Variants in NELL1 observed in about 807,000 individuals in gnomAD.
NELL1 encodes protein kinase C-binding protein NELL1.
Under a neutral mutation model 107.4 loss-of-function variants are expected in NELL1, and 76 were observed. The observed-to-expected ratio is 0.71, with a 90% CI of 0.59 to 0.86. The LOEUF is 0.86. Ranked by LOEUF, NELL1 falls within the 40% of genes least tolerant of loss-of-function variation. NELL1 has a pLI of 0.00. For missense variants in NELL1, 1,024 were observed against 1,005.5 expected (o/e 1.02, Z -0.25); for synonymous variants, 353 against 341.2 (o/e 1.03, Z -0.38).
intron 12 of NELL1, among the ~76,000 whole-genome samples, chr11:21,008,576 T>C (rs55668164): frequency 0.057 from 8,739 of 152,002 alleles, 861 homozygotes; most frequent in African/African-American, 0.2. Context: ...GGGTAAGTAA[T>C]GAAAAATGTG....
At chr11:21,308,465 G>A (rs186167339) in intron 14 of NELL1, among the ~76,000 whole-genome samples, 3 of 152,112 alleles carry the variant, frequency 2.0e-5, no homozygotes, top group African/African-American at 2.4e-5. Flanking sequence ...ATATGTTTAA[G>A]GAGTATATAG....
At chr11:21,388,079 G>GTT (rs34490004) in intron 15 of NELL1, among the ~76,000 whole-genome samples, 2 of 147,426 alleles carry the variant, frequency 1.4e-5, no homozygotes, top group African/African-American at 2.5e-5. Context: ...AAAATTCTAT[G>GTT]TTTTTTTTTT....
chr11:20,958,394 C>T (rs774670520), intron 11 of NELL1, among the ~76,000 whole-genome samples: 27 of 152,240 alleles, frequency 1.8e-4, no homozygotes, highest in Middle Eastern at 6.8e-3. Flanking sequence ...ACCTGGGCAA[C>T]AGAGTGAGAC....
At chr11:21,273,166 A>G (rs1366917594) in intron 14 of NELL1, among the ~76,000 whole-genome samples, 1 of 152,150 alleles carries the variant, frequency 6.6e-6, no homozygotes, top group East Asian at 1.9e-4. Context: ...AAAAAATTAG[A>G]CGAATGGCTA....
intron 2 of NELL1, among the ~76,000 whole-genome samples, chr11:20,715,197 A>T (rs529239750): frequency 6.6e-6 from 1 of 152,062 alleles, no homozygotes; most frequent in Non-Finnish European, 1.5e-5. Flanking sequence ...GTGAGTTGAC[A>T]TCGCGCCATT....
intron 14 of NELL1, among the ~76,000 whole-genome samples, chr11:21,230,103 C>G (rs568420472): frequency 1.3e-5 from 2 of 152,268 alleles, no homozygotes; most frequent in African/African-American, 4.8e-5. Context: ...TGTCTCTACT[C>G]AAATGTCTCC....
intron 14 of NELL1, among the ~76,000 whole-genome samples, chr11:21,274,314 A>G (rs1848806659): frequency 6.6e-6 from 1 of 152,212 alleles, no homozygotes; most frequent in Non-Finnish European, 1.5e-5. Flanking sequence ...TCCATTACAT[A>G]ATGGTAAAAG....
intron 12 of NELL1, among the ~76,000 whole-genome samples, chr11:21,081,914 G>T (rs1854278631): frequency 1.3e-5 from 2 of 152,252 alleles, no homozygotes; most frequent in South Asian, 2.1e-4. Context: ...AGCCCTTAAA[G>T]AAGTTAAATA....
intron 15 of NELL1, among the ~76,000 whole-genome samples, chr11:21,469,891 A>G (rs926487620): frequency 3.3e-5 from 5 of 152,062 alleles, no homozygotes; most frequent in Non-Finnish European, 7.4e-5. Flanking sequence ...GTGTACTTTC[A>G]GATTGCTAGC....
chr11:21,155,959 G>A (rs1425382842), intron 13 of NELL1, among the ~76,000 whole-genome samples: 2 of 152,176 alleles, frequency 1.3e-5, no homozygotes, highest in African/African-American at 4.8e-5. Context: ...AGCCCACATG[G>A]CGAGCACAGG....
At chr11:20,846,586 G>A (rs772223163) in intron 3 of NELL1, among the ~76,000 whole-genome samples, 1 of 152,060 alleles carries the variant, frequency 6.6e-6, no homozygotes, top group Non-Finnish European at 1.5e-5. Context: ...TCTGGGATGG[G>A]CAACAAACTG....
chr11:21,228,608 C>T (rs999474963), intron 13 of NELL1, among the ~76,000 whole-genome samples: 1 of 151,850 alleles, frequency 6.6e-6, no homozygotes, highest in Non-Finnish European at 1.5e-5. Flanking sequence ...ACCAGCCTTT[C>T]TCTGCAGTTT....
chr11:20,746,604 A>G (rs1856009956), intron 2 of NELL1, among the ~76,000 whole-genome samples: 1 of 132,468 alleles, frequency 7.5e-6, no homozygotes, highest in Non-Finnish European at 1.7e-5. Context: ...ACACACACAC[A>G]CACGTGGAAT....
intron 14 of NELL1, among the ~76,000 whole-genome samples, chr11:21,348,997 T>C (rs1392302807): frequency 2.6e-5 from 4 of 152,168 alleles, no homozygotes; most frequent in Admixed American, 6.5e-5. Flanking sequence ...CAGGTCTTTA[T>C]GCAGAGGAGT....
intron 14 of NELL1, among the ~76,000 whole-genome samples, chr11:21,247,778 C>T (rs2133906181): frequency 6.6e-6 from 1 of 152,284 alleles, no homozygotes; most frequent in Admixed American, 6.5e-5. Context: ...ATATGCTATA[C>T]CGTTATATGA....
intron 14 of NELL1, among the ~76,000 whole-genome samples, chr11:21,363,971 C>A (rs1851150190): frequency 6.6e-6 from 1 of 152,108 alleles, no homozygotes; most frequent in African/African-American, 2.4e-5. Flanking sequence ...CTGCAGAGGC[C>A]TGGATAATAA....
chr11:21,451,085 G>A (rs1294662708), intron 15 of NELL1, among the ~76,000 whole-genome samples: 3 of 151,246 alleles, frequency 2.0e-5, no homozygotes, highest in African/African-American at 7.3e-5. Context: ...TACTCAGGAG[G>A]CTGAGGCAGG....
chr11:20,895,269 CTCAAAAAAAAAAAAAAAAAA>C (rs2134122129), intron 5 of NELL1, among the ~76,000 whole-genome samples: 1 of 8,010 alleles, frequency 1.2e-4, no homozygotes, highest in South Asian at 4.6e-3. Context: ...GAGACTCCGT[CTCAAAAAAAAAAAAAAAAAA>C]AAAAAAAAAA....
At chr11:21,034,755 G>A (rs942838852) in intron 12 of NELL1, among the ~76,000 whole-genome samples, 1 of 151,946 alleles carries the variant, frequency 6.6e-6, no homozygotes, top group African/African-American at 2.4e-5. Context: ...GAGCTAAGAG[G>A]GAAATTTATA....
Sources: gnomAD v4.1 joint callset for allele counts (sites outside exome capture counted in the v4.1 genomes callset) on GRCh38, gnomAD v4.1.1 for gene constraint, MANE v1.5 for transcripts, NCBI Gene and HGNC (gene_info 2026-07-23, HGNC 2026-07-21) for gene names.